Variants in COX15 observed in about 807,000 individuals in gnomAD.
COX15 encodes cytochrome c oxidase assembly factor COX15, also known as heme A synthase COX15.
A neutral mutation model predicts 51.9 loss-of-function variants in COX15; 51 were observed. The observed-to-expected ratio is 0.98, with a 90% CI of 0.78 to 1.24. The LOEUF is 1.24. Ranked by LOEUF, COX15 falls within the 50% of genes most tolerant of loss-of-function variation. The pLI, the probability that COX15 is intolerant of heterozygous loss-of-function variation, is 0.00. For synonymous variants in COX15, 188 were observed against 190.5 expected (o/e 0.99, Z 0.11); for missense variants, 420 against 501.1 (o/e 0.84, Z 1.55).
chr10:99,714,033 C>T lies in COX15; in HGVS notation c.*554G>A. ...CCTCCTTTTCCAAGTACTTAAAAACCATTTTGCTACATATACACATTAAGC... is the reference window on the plus strand; with the variant it reads ...CCTCCTTTTCCAAGTACTTAAAAACTATTTTGCTACATATACACATTAAGC... On this transcript the variant is annotated 3_prime_UTR_variant, in exon 9 of 9. Transcript: ENST00000016171. 1.0e-6 allele frequency: 1 copy of T among 999,326 alleles called. No individual in the cohort carries two copies. The highest frequency in any genetic ancestry group is 4.3e-5 in the South Asian group (1 of 23,056). 61.9% of individuals were successfully genotyped at this position (999,326 alleles called of 1,614,324 possible).
At chr10:99,699,748 T>C in the COX15 span, among the ~76,000 whole-genome samples, 4 of 152,084 alleles carry the variant, frequency 2.6e-5, no homozygotes, top group African/African-American at 9.7e-5. Context: ...TTATTTTTAA[T>C]AGAGATGGGG....
Position 99,713,291 on chromosome 10 carries a change from T to C in COX15, c.*1296A>G, listed in dbSNP as rs1384587653. 2 of 1,542,828 alleles carry C rather than the reference T, an allele frequency of 1.3e-6. No homozygotes were observed. Among genetic ancestry groups the C allele is most frequent in the East Asian group, 2.3e-5 (1 of 44,260 alleles). On this transcript the variant is annotated 3_prime_UTR_variant, in exon 9 of 9. Coordinates refer to ENST00000016171, the MANE Select transcript of COX15 (RefSeq NM_078470.6). ...GCCCAAACTTATACAACTTATTTAA[T>C]TTAAATGAGTATGTTACATTTCTAA...
intron 4 of COX15, among the ~76,000 whole-genome samples, chr10:99,725,999 CTCTTT>C (rs1013205684): frequency 3.7e-4 from 56 of 152,184 alleles, no homozygotes; most frequent in African/African-American, 1.3e-3. Flanking sequence ...TATGTGTCTT[CTCTTT>C]TAATTTGTTG....
intron 2 of COX15, among the ~76,000 whole-genome samples, chr10:99,729,199 T>C (rs1002142893): frequency 1.3e-5 from 2 of 152,198 alleles, no homozygotes; most frequent in Non-Finnish European, 2.9e-5. Flanking sequence ...TGGTGGCTCA[T>C]GCCTGTAATC....
At chr10:99,730,945 A>G (rs1421066730) in intron 1 of COX15, among the ~76,000 whole-genome samples, 1 of 152,118 alleles carries the variant, frequency 6.6e-6, no homozygotes, top group Non-Finnish European at 1.5e-5. Context: ...AGTCTTAGCT[A>G]CTTAAGTGAC....
At chr10:99,698,111 C>T in the COX15 span, among the ~76,000 whole-genome samples, 1 of 152,164 alleles carries the variant, frequency 6.6e-6, no homozygotes, top group Admixed American at 6.5e-5. Flanking sequence ...TGGGCCACTG[C>T]CGTGGTCTGC....
At chr10:99,709,868 G>C (rs1386658040), downstream of COX15, 7 of 985,394 alleles carry the variant, frequency 7.1e-6, no homozygotes, top group Non-Finnish European at 8.4e-6. Flanking sequence ...TAACACACCA[G>C]TTGACCATTT....
At chr10:99,709,034 T>C, downstream of COX15, 2 of 983,690 alleles carry the variant, frequency 2.0e-6, no homozygotes, top group Non-Finnish European at 2.4e-6. Context: ...AAGTTTTCAC[T>C]ACATCTATTC....
At chr10:99,694,534 T>G in the COX15 span, among the ~76,000 whole-genome samples, 3 of 63,364 alleles carry the variant, frequency 4.7e-5, no homozygotes, top group Non-Finnish European at 1.0e-4. Context: ...ACATAAGTTT[T>G]TTTGTTTTTT....
Position 99,713,162 on chromosome 10 carries a change from T to C in COX15, c.*1425A>G. 1 of 1,347,540 alleles carries C rather than the reference T, an allele frequency of 7.4e-7. No individual in the cohort carries two copies. Among genetic ancestry groups the C allele is most frequent in the Non-Finnish European group, 9.6e-7 (1 of 1,045,504 alleles). The allele number at this position is 1,347,540 out of a possible 1,614,324, so 83.5% of individuals were successfully genotyped here. A position where few individuals can be genotyped will look rare whatever the true frequency, so the allele number is the denominator to read the frequency against. On this transcript the variant is annotated 3_prime_UTR_variant, in exon 9 of 9. Coordinates refer to ENST00000016171, the MANE Select transcript of COX15 (RefSeq NM_078470.6). ...CCTGAAGTACCACTAATTTTTCTGTTATCATATAATAACAACATGAATACT... is the reference window on the plus strand; with the variant it reads ...CCTGAAGTACCACTAATTTTTCTGTCATCATATAATAACAACATGAATACT...
intron 1 of COX15, among the ~76,000 whole-genome samples, chr10:99,730,771 A>T (rs1049554443): frequency 1.3e-5 from 2 of 152,252 alleles, no homozygotes; most frequent in East Asian, 3.8e-4. Flanking sequence ...TAAAAGATTT[A>T]AAAATGGGGC....
At chr10:99,728,647 A>G (rs928058190) in intron 2 of COX15, among the ~76,000 whole-genome samples, 4 of 152,220 alleles carry the variant, frequency 2.6e-5, no homozygotes, top group African/African-American at 4.8e-5. Context: ...CGAATGTTCT[A>G]TTCACCTACT....
the COX15 span, chr10:99,695,919 A>C: frequency 4.5e-6 from 7 of 1,572,570 alleles, no homozygotes; most frequent in African/African-American, 1.4e-5. Flanking sequence ...GGCAACCAAA[A>C]CTAAAATTCC....
rs1315877896 is a variant in COX15, at chr10:99,727,543, G to T, written c.293C>A (p.Ser98Ter). The change falls in exon 3 of 9, where the codon TCG (serine) becomes TAG (stop). Residue 98 changes from serine (S) to a stop codon, truncating the protein, a stop_gained. Transcript: ENST00000016171. LOFTEE classifies it high-confidence loss of function. ...GVTRLTESGLSMVDWHLIKEM... is the reference protein window; with the variant it reads ...GVTRLTESGL The stretch of plus-strand genomic sequence containing the variant: ...CTTTATTAAATGCCAATCTACCATC[G>T]AGAGGCCAGACTCTGTCAACCTTAG... The T allele has an allele frequency of 6.2e-7, 1 of 1,613,570 alleles. No individual in the cohort carries two copies. Among genetic ancestry groups the T allele is most frequent in the Admixed American group, 1.7e-5 (1 of 60,010 alleles).
rs771639452 is a variant in COX15 at position 99,716,449 on chromosome 10, C to A, written c.1000G>T (p.Val334Phe). The change falls in exon 8 of 9, where the codon GTC becomes TTC. Residue 334 changes from valine to phenylalanine, a missense_variant. Val to Phe is a conservative substitution (Grantham distance 50, BLOSUM62 -1). Transcript: ENST00000016171. ...FDHRILGITS[V>F]TAITVLYFLS... is the part of the protein sequence containing the mutation. ...AAGTAGAGCACTGTAATGGCAGTGACTGAAGTGATTCCCTGCAGGGAAGAA... is the reference window on the plus strand; with the variant it reads ...AAGTAGAGCACTGTAATGGCAGTGAATGAAGTGATTCCCTGCAGGGAAGAA... The A allele has an allele frequency of 4.2e-5, 68 of 1,610,556 alleles. No individual in the cohort carries two copies. The highest frequency in any genetic ancestry group is 5.7e-5 in the Non-Finnish European group (67 of 1,177,084).
chr10:99,706,659 C>G (rs996646909), downstream of COX15, among the ~76,000 whole-genome samples: 1 of 152,074 alleles, frequency 6.6e-6, no homozygotes, highest in Non-Finnish European at 1.5e-5. Flanking sequence ...AAATCTCTTA[C>G]CTTTCATTAG....
At position 99,713,196 on chromosome 10, in the gene COX15, C is replaced by T; in HGVS notation, c.*1391G>A. The T allele has an allele frequency of 7.2e-7, 1 of 1,388,212 alleles. No individual in the cohort carries two copies. Among genetic ancestry groups the T allele is most frequent in the Non-Finnish European group, 9.4e-7 (1 of 1,062,854 alleles). 86.0% of individuals were successfully genotyped at this position (1,388,212 alleles called of 1,614,324 possible). A position where few individuals can be genotyped will look rare whatever the true frequency, so the allele number is the denominator to read the frequency against. On this transcript the variant is annotated 3_prime_UTR_variant, in exon 9 of 9. Transcript: ENST00000016171. ...ATAACAACATGAATACTACTTGGTT[C>T]ATATTGAACCTGAGGACAACTAAAA...
At chr10:99,720,271 C>T (rs1191558779) in intron 6 of COX15, among the ~76,000 whole-genome samples, 2 of 152,058 alleles carry the variant, frequency 1.3e-5, no homozygotes, top group Admixed American at 1.3e-4. Context: ...ATGGTGAAAC[C>T]CCATCTCTAC....
Position 99,711,413 on chromosome 10 carries a change from T to C in COX15, c.*3174A>G, listed in dbSNP as rs1033638657. 6.1e-6 allele frequency: 6 copies of C among 985,318 alleles called. No individual in the cohort carries two copies. Among genetic ancestry groups the C allele is most frequent in the Non-Finnish European group, 7.2e-6 (6 of 829,918 alleles). The allele number at this position is 985,318 out of a possible 1,614,324, so 61.0% of individuals were successfully genotyped here. A position where few individuals can be genotyped will look rare whatever the true frequency, so the allele number is the denominator to read the frequency against. On this transcript the variant is annotated 3_prime_UTR_variant, in exon 9 of 9. Transcript: ENST00000016171. ...CCTGCCTCAGGAACTACAGTTCCCT[T>C]TCTTTGAAGGATTCTATCCAGAAGA...
Sources: gnomAD v4.1 joint callset for allele counts (sites outside exome capture counted in the v4.1 genomes callset) on GRCh38, gnomAD v4.1.1 for gene constraint, MANE v1.5 for transcripts, NCBI Gene and HGNC (gene_info 2026-07-23, HGNC 2026-07-21) for gene names.